CADM2: variants seen among roughly 807,000 people sequenced by gnomAD.
CADM2 encodes cell adhesion molecule 2.
A neutral mutation model predicts 49.8 loss-of-function variants in CADM2; 12 were observed. The observed-to-expected ratio is 0.24, with a 90% CI of 0.15 to 0.39. CADM2 has a LOEUF of 0.39. Ranked by LOEUF, CADM2 falls within the 10% of genes least tolerant of loss-of-function variation. CADM2 has a pLI of 1.00. For missense variants in CADM2, 378 were observed against 492.3 expected (o/e 0.77, Z 2.20); for synonymous variants, 214 against 175.4 (o/e 1.22, Z -1.74).
At chr3:85,082,293 TTATTACA>T (rs2037193946) in intron 1 of CADM2, among the ~76,000 whole-genome samples, 1 of 152,186 alleles carries the variant, frequency 6.6e-6, no homozygotes, top group Non-Finnish European at 1.5e-5. Flanking sequence ...GCTTGGGACC[TTATTACA>T]TATTATGTCT....
At chr3:84,975,436 C>G (rs140128242) in intron 1 of CADM2, among the ~76,000 whole-genome samples, 1 of 151,262 alleles carries the variant, frequency 6.6e-6, no homozygotes, top group Admixed American at 6.6e-5. Context: ...TTGTAAGTTA[C>G]GTTTCTTAAG....
intron 1 of CADM2, among the ~76,000 whole-genome samples, chr3:85,213,130 A>G (rs1371511182): frequency 6.6e-6 from 1 of 151,902 alleles, no homozygotes; most frequent in Admixed American, 6.6e-5. Flanking sequence ...TGATCTGCCT[A>G]CCTTGGCTGC....
At chr3:84,969,192 A>G in intron 1 of CADM2, among the ~76,000 whole-genome samples, 1 of 151,956 alleles carries the variant, frequency 6.6e-6, no homozygotes, top group East Asian at 1.9e-4. Flanking sequence ...TGGTGGTTTA[A>G]TTTGTAACTG....
At chr3:85,212,502 T>A (rs2041802770) in intron 1 of CADM2, among the ~76,000 whole-genome samples, 1 of 152,142 alleles carries the variant, frequency 6.6e-6, no homozygotes, top group Non-Finnish European at 1.5e-5. Flanking sequence ...ATTCATTATT[T>A]TAAACTAATG....
intron 8 of CADM2, among the ~76,000 whole-genome samples, chr3:86,010,964 A>C (rs572727541): frequency 6.6e-6 from 1 of 151,326 alleles, no homozygotes; most frequent in South Asian, 2.1e-4. Context: ...ATAAGTTATA[A>C]AAAGTATTTA....
chr3:85,869,873 G>A (rs2075856911), intron 3 of CADM2, among the ~76,000 whole-genome samples: 1 of 152,076 alleles, frequency 6.6e-6, no homozygotes, highest in African/African-American at 2.4e-5. Context: ...ATGTTAGCCA[G>A]GACGGTATTG....
intron 1 of CADM2, among the ~76,000 whole-genome samples, chr3:85,601,615 G>A (rs1207742762): frequency 6.6e-6 from 1 of 150,646 alleles, no homozygotes; most frequent in African/African-American, 2.4e-5. Context: ...TCTTTTTTAG[G>A]CTAATTTACA....
At chr3:85,312,248 A>T (rs1038761543) in intron 1 of CADM2, among the ~76,000 whole-genome samples, 1 of 152,158 alleles carries the variant, frequency 6.6e-6, no homozygotes, top group African/African-American at 2.4e-5. Flanking sequence ...TGAATTAATT[A>T]TGATAATAAT....
intron 1 of CADM2, among the ~76,000 whole-genome samples, chr3:85,562,370 C>T (rs1031986680): frequency 5.3e-5 from 8 of 149,896 alleles, no homozygotes; most frequent in Admixed American, 1.3e-4. Context: ...CCCAGCTACT[C>T]GGGAGGCTGA....
intron 1 of CADM2, among the ~76,000 whole-genome samples, chr3:85,527,729 C>T (rs780144874): frequency 6.6e-6 from 1 of 151,996 alleles, no homozygotes; most frequent in African/African-American, 2.4e-5. Context: ...TTGACAATGT[C>T]GAAAAAGCAG....
intron 2 of CADM2, among the ~76,000 whole-genome samples, chr3:85,761,660 C>CCACCACG (rs2069387518): frequency 6.6e-6 from 1 of 152,196 alleles, no homozygotes; most frequent in Admixed American, 6.5e-5. Flanking sequence ...CAGGCGTGAG[C>CCACCACG]CACCACGCCT....
At chr3:85,179,751 C>T (rs550356482) in intron 1 of CADM2, among the ~76,000 whole-genome samples, 67 of 152,178 alleles carry the variant, frequency 4.4e-4, no homozygotes, top group African/African-American at 1.5e-3. Flanking sequence ...CTATGTATAA[C>T]ACATCTGAAA....
chr3:85,901,589 A>G (rs1324317924), intron 5 of CADM2, among the ~76,000 whole-genome samples: 1 of 152,100 alleles, frequency 6.6e-6, no homozygotes, highest in African/African-American at 2.4e-5. Flanking sequence ...TTATTTGTAT[A>G]CCTCCCAAAT....
intron 1 of CADM2, among the ~76,000 whole-genome samples, chr3:85,475,567 T>G (rs1437788214): frequency 2.6e-5 from 4 of 151,938 alleles, no homozygotes; most frequent in African/African-American, 9.7e-5. Flanking sequence ...ACGTAGTCAT[T>G]ACTTATCATG....
intron 1 of CADM2, among the ~76,000 whole-genome samples, chr3:85,382,578 T>G (rs2033966676): frequency 6.6e-6 from 1 of 152,176 alleles, no homozygotes; most frequent in Non-Finnish European, 1.5e-5. Context: ...CTGCATCTGT[T>G]TAATAATTAT....
chr3:85,802,030 C>A lies in CADM2; in HGVS notation c.89-17C>A. Reference sequence around the variant, plus strand: ...ATGACTTTCATTTAATCAACATTTTCTTTAATCCCCTTTTAGGCAGCCAAG... The same window carrying A: ...ATGACTTTCATTTAATCAACATTTTATTTAATCCCCTTTTAGGCAGCCAAG... On this transcript the variant is annotated splice_polypyrimidine_tract_variant and intron_variant, in intron 2 of 9. Coordinates refer to ENST00000383699, the MANE Select transcript of CADM2 (RefSeq NM_001167675.2). 6.3e-7 allele frequency: 1 copy of A among 1,592,742 alleles called. No individual in the cohort carries two copies. Among genetic ancestry groups the A allele is most frequent in the Non-Finnish European group, 8.6e-7 (1 of 1,167,444 alleles).
chr3:85,805,312 A>G (rs1170740166), intron 3 of CADM2: 1 of 152,124 alleles, frequency 6.6e-6, no homozygotes, highest in African/African-American at 2.4e-5. Context: ...AGAAAAGCCT[A>G]TGTATGTGTT....
intron 7 of CADM2, among the ~76,000 whole-genome samples, chr3:85,944,054 C>T (rs555149242): frequency 6.6e-6 from 1 of 151,984 alleles, no homozygotes; most frequent in Non-Finnish European, 1.5e-5. Context: ...CACACATAGG[C>T]TCAAAATAAA....
At chr3:86,014,384 A>G in intron 8 of CADM2, 3 of 1,467,616 alleles carry the variant, frequency 2.0e-6, no homozygotes, top group Non-Finnish European at 9.1e-7. Flanking sequence ...GCTTGACTGT[A>G]GTACTGCATT....
Sources: allele counts gnomAD v4.1 joint callset (sites outside exome capture counted in the v4.1 genomes callset), GRCh38; gene constraint gnomAD v4.1.1; transcripts MANE v1.5; gene names NCBI Gene and HGNC (gene_info 2026-07-23, HGNC 2026-07-21).